Variants in GPC3 observed in about 807,000 individuals in gnomAD.
GPC3 encodes glypican 3, also known as glypican-3.
Under a neutral mutation model 34.4 loss-of-function variants are expected in GPC3, and 3 were observed. The ratio of observed to expected loss-of-function variants is 0.09; its 90% confidence interval spans 0.04 to 0.23. The LOEUF is 0.23. Ranked by LOEUF, GPC3 falls within the 10% of genes least tolerant of loss-of-function variation. The pLI is 1.00. For missense variants in GPC3, 351 were observed against 445.6 expected (o/e 0.79, Z 1.91); for synonymous variants, 177 against 174.0 (o/e 1.02, Z -0.13).
intron 7 of GPC3, among the ~76,000 whole-genome samples, chrX:133,542,614 G>A (rs1166774565): frequency 8.9e-6 from 1 of 112,358 alleles, no homozygotes; most frequent in African/African-American, 3.2e-5. Flanking sequence ...TGCCAAGCTT[G>A]CATCAGCAGA....
intron 3 of GPC3, among the ~76,000 whole-genome samples, chrX:133,727,637 T>C (rs966540614): frequency 8.9e-6 from 1 of 111,973 alleles, no homozygotes; most frequent in African/African-American, 3.2e-5. Flanking sequence ...TCCAGATCCC[T>C]GTTCTCCTCT....
intron 2 of GPC3, among the ~76,000 whole-genome samples, chrX:133,849,419 A>G (rs754084539): frequency 2.3e-4 from 26 of 111,909 alleles, no homozygotes; most frequent in Non-Finnish European, 4.7e-4. Flanking sequence ...CAAATTTTAT[A>G]GACTATGGAG....
intron 7 of GPC3, among the ~76,000 whole-genome samples, chrX:133,569,876 T>A (rs1375430127): frequency 9.3e-6 from 1 of 107,952 alleles, no homozygotes; most frequent in Non-Finnish European, 1.9e-5. Flanking sequence ...CCTTAATACA[T>A]CTATATAGAA....
chrX:133,717,559 G>A (rs1346637138), intron 3 of GPC3, among the ~76,000 whole-genome samples: 1 of 110,658 alleles, frequency 9.0e-6, no homozygotes, highest in Non-Finnish European at 1.9e-5. Context: ...AGTGCATGAA[G>A]CCCCCAGTCA....
At chrX:133,750,903 A>G (rs902640017) in intron 3 of GPC3, among the ~76,000 whole-genome samples, 10 of 107,700 alleles carry the variant, frequency 9.3e-5, no homozygotes, top group Admixed American at 1.0e-4. Flanking sequence ...GTGAAATCCC[A>G]TCTCTACTAA....
At chrX:133,646,194 G>T (rs1035021538) in intron 6 of GPC3, among the ~76,000 whole-genome samples, 6 of 110,794 alleles carry the variant, frequency 5.4e-5, no homozygotes, top group Non-Finnish European at 1.1e-4. Context: ...AGCAAAGCAG[G>T]TCTGGACTAG....
chrX:133,954,654 C>T (rs2076408256), intron 1 of GPC3, among the ~76,000 whole-genome samples: 1 of 109,792 alleles, frequency 9.1e-6, no homozygotes, highest in Non-Finnish European at 1.9e-5. Flanking sequence ...ATATCCTCCA[C>T]CAATACTAAC....
chrX:133,600,513 T>C (rs1221180182), intron 6 of GPC3, among the ~76,000 whole-genome samples: 1 of 112,103 alleles, frequency 8.9e-6, no homozygotes, highest in African/African-American at 3.2e-5. Flanking sequence ...AAATTCAGCA[T>C]GGAAGAAGGA....
chrX:133,656,329 C>T (rs2047611608), intron 6 of GPC3, among the ~76,000 whole-genome samples: 1 of 112,075 alleles, frequency 8.9e-6, no homozygotes, highest in African/African-American at 3.2e-5. Context: ...TATAGATCTT[C>T]CTAATAGGTG....
At chrX:133,972,798 A>T (rs760685353) in intron 1 of GPC3, among the ~76,000 whole-genome samples, 8 of 111,858 alleles carry the variant, frequency 7.2e-5, no homozygotes, top group Non-Finnish European at 1.5e-4. Context: ...AGATACCATC[A>T]CCAGAAATAT....
intron 2 of GPC3, among the ~76,000 whole-genome samples, chrX:133,766,500 C>T (rs1008392613): frequency 8.9e-6 from 1 of 112,008 alleles, no homozygotes; most frequent in Non-Finnish European, 1.9e-5. Context: ...CTTAAGTATA[C>T]ATAGTATACA....
intron 2 of GPC3, among the ~76,000 whole-genome samples, chrX:133,895,822 T>C (rs1014640631): frequency 9.0e-6 from 1 of 111,107 alleles, no homozygotes; most frequent in Non-Finnish European, 1.9e-5. Context: ...TCAATCATGA[T>C]TACTGAAGGC....
chrX:133,622,598 G>T (rs1409488877), intron 6 of GPC3, among the ~76,000 whole-genome samples: 3 of 111,895 alleles, frequency 2.7e-5, no homozygotes, highest in Non-Finnish European at 5.6e-5. Context: ...TGAATGAAAT[G>T]AAGCGAGAAG....
chrX:133,586,864 G>C (rs1984065851), intron 7 of GPC3, among the ~76,000 whole-genome samples: 1 of 110,719 alleles, frequency 9.0e-6, no homozygotes, highest in Non-Finnish European at 1.9e-5. Context: ...ATATTTACGG[G>C]GTACATAGTG....
chrX:133,747,762 C>T (rs2071625311), intron 3 of GPC3, among the ~76,000 whole-genome samples: 1 of 111,968 alleles, frequency 8.9e-6, no homozygotes, highest in Admixed American at 9.5e-5. Context: ...CATAGTGCTT[C>T]CATTATTAGA....
At chrX:133,605,281 A>C (rs2070036575) in intron 6 of GPC3, among the ~76,000 whole-genome samples, 1 of 111,576 alleles carries the variant, frequency 9.0e-6, no homozygotes, top group Non-Finnish European at 1.9e-5. Context: ...ACTTTGGGCA[A>C]GTCACTTAAA....
chrX:133,593,354 T>TAAAAAAAAAAAAAAAAAAAAAAAAAAAGA (rs1186766438), intron 7 of GPC3, among the ~76,000 whole-genome samples: 2 of 47,696 alleles, frequency 4.2e-5, no homozygotes, highest in Admixed American at 2.6e-4. Context: ...AAAAAAAAAG[T>TAAAAAAAAAAAAAAAAAAAAAAAAAAAGA]AAAAAAAAAA....
At chrX:133,594,915 C>T (rs1037391940) in intron 7 of GPC3, among the ~76,000 whole-genome samples, 2 of 110,132 alleles carry the variant, frequency 1.8e-5, no homozygotes, top group Non-Finnish European at 3.8e-5. Context: ...AAGTTGAGGC[C>T]AGCCATGGTG....
chrX:133,872,223 T>A (rs2075996689), intron 2 of GPC3, among the ~76,000 whole-genome samples: 1 of 111,427 alleles, frequency 9.0e-6, no homozygotes, highest in African/African-American at 3.3e-5. Flanking sequence ...CAAGTACTCA[T>A]AAACCCCATG....
Sources: gnomAD v4.1 joint callset for allele counts (sites outside exome capture counted in the v4.1 genomes callset) on GRCh38, gnomAD v4.1.1 for gene constraint, MANE v1.5 for transcripts, NCBI Gene and HGNC (gene_info 2026-07-23, HGNC 2026-07-21) for gene names.